Variants in ATF2 observed in about 807,000 individuals in gnomAD.
The protein encoded by ATF2 is activating transcription factor 2.
Under a neutral mutation model 60.6 loss-of-function variants are expected in ATF2, and 24 were observed. The observed-to-expected ratio is 0.40, with a 90% CI of 0.29 to 0.56. The LOEUF (loss-of-function observed/expected upper bound fraction) is 0.56. Among genes scored for constraint, ATF2 ranks in the 20% least tolerant of loss-of-function variants. The probability of loss-of-function intolerance (pLI) is 0.54; values close to 1 mark genes in which losing one functional copy is unlikely to be tolerated. For missense variants in ATF2, 433 were observed against 607.7 expected (o/e 0.71, Z 3.02); for synonymous variants, 206 against 215.4 (o/e 0.96, Z 0.38).
intron 1 of ATF2, among the ~76,000 whole-genome samples, chr2:175,164,677 G>C (rs1700237027): frequency 6.6e-6 from 1 of 151,930 alleles, no homozygotes; most frequent in South Asian, 2.1e-4. Flanking sequence ...TGTTCTCTGG[G>C]GTTTTCCTTC....
intron 13 of ATF2, 22 bp downstream of exon 13, chr2:175,080,638 T>C (rs1693700466): frequency 7.5e-6 from 12 of 1,591,442 alleles, no homozygotes; most frequent in Non-Finnish European, 1.0e-5. Flanking sequence ...CCTAAGGCTA[T>C]AGGTAATGGA....
intron 1 of ATF2, among the ~76,000 whole-genome samples, chr2:175,166,773 T>C (rs1700374627): frequency 1.3e-5 from 2 of 152,210 alleles, no homozygotes; most frequent in South Asian, 4.1e-4. Flanking sequence ...ACAAAAAGTG[T>C]GCTCAAAGAA....
At chr2:175,107,568 C>G (rs984057876) in intron 10 of ATF2, among the ~76,000 whole-genome samples, 1 of 149,414 alleles carries the variant, frequency 6.7e-6, no homozygotes, top group African/African-American at 2.5e-5. Flanking sequence ...CTCCCTCTCC[C>G]CATGGTCTCC....
At chr2:175,075,122 T>C in intron 13 of ATF2, 8 of 1,124,832 alleles carry the variant, frequency 7.1e-6, no homozygotes, top group Non-Finnish European at 9.2e-6. Context: ...TGAGGGAGAG[T>C]TTGGAAGATA....
At chr2:175,091,228 T>C (rs769033475) in intron 12 of ATF2, among the ~76,000 whole-genome samples, 2 of 152,184 alleles carry the variant, frequency 1.3e-5, no homozygotes, top group African/African-American at 2.4e-5. Flanking sequence ...AACCCTTGAA[T>C]TGACTGATTT....
chr2:175,139,184 T>C (rs1698334130), intron 2 of ATF2, among the ~76,000 whole-genome samples: 1 of 152,240 alleles, frequency 6.6e-6, no homozygotes, highest in African/African-American at 2.4e-5. Context: ...TCGTTGTATC[T>C]GCACAGTATC....
intron 13 of ATF2, among the ~76,000 whole-genome samples, chr2:175,078,043 CT>C (rs755887521): frequency 7.2e-5 from 11 of 152,220 alleles, no homozygotes; most frequent in Admixed American, 7.2e-4. Flanking sequence ...TCACAGCTCA[CT>C]GCAGCCTTGA....
At chr2:175,156,377 C>CAAAAAAAAAAAAAAAAAAAAA (rs57399474) in intron 1 of ATF2, among the ~76,000 whole-genome samples, 1 of 55,982 alleles carries the variant, frequency 1.8e-5, no homozygotes, top group Non-Finnish European at 3.7e-5. Context: ...TCTCAAAAAA[C>CAAAAAAAAAAAAAAAAAAAAA]AAAAAAAAAA....
chr2:175,077,099 C>T, intron 13 of ATF2, among the ~76,000 whole-genome samples: 1 of 152,048 alleles, frequency 6.6e-6, no homozygotes. Flanking sequence ...TTTCCAGCTT[C>T]ATCCATGTCC....
At chr2:175,094,426 A>AAAAAAAAAAAAG (rs1559059455) in intron 11 of ATF2, among the ~76,000 whole-genome samples, 2 of 143,978 alleles carry the variant, frequency 1.4e-5, no homozygotes, top group African/African-American at 5.4e-5. Flanking sequence ...AAAAAAAAAA[A>AAAAAAAAAAAAG]AAAGAAAGAA....
At chr2:175,137,471 C>T (rs970706924) in intron 2 of ATF2, among the ~76,000 whole-genome samples, 2 of 152,180 alleles carry the variant, frequency 1.3e-5, no homozygotes, top group Non-Finnish European at 2.9e-5. Context: ...ACACCTACAA[C>T]AGCGCCTAGC....
intron 2 of ATF2, 134 bp from the exon 3 acceptor site, chr2:175,136,620 A>T: frequency 1.7e-6 from 1 of 603,466 alleles, no homozygotes; most frequent in South Asian, 2.1e-5. Context: ...AACAATTTTT[A>T]TAATAGAGTA....
At position 175,074,457 on chromosome 2, in the gene ATF2, G is replaced by A; in HGVS notation, c.*152C>T. The A allele has an allele frequency of 2.1e-6, 2 of 938,726 alleles. No individual in the cohort carries two copies. Among genetic ancestry groups the A allele is most frequent in the Admixed American group, 3.2e-5 (1 of 31,236 alleles). The allele number at this position is 938,726 out of a possible 1,614,324, so 58.1% of individuals were successfully genotyped here. On this transcript the variant is annotated 3_prime_UTR_variant, in exon 14 of 14. Transcript: ENST00000264110. Reference sequence around the variant, plus strand: ...AAACCGTTTTTCAGTCTGATCAACTGCTGCTACACCAACTTTAGAGCCAAA... The same window carrying A: ...AAACCGTTTTTCAGTCTGATCAACTACTGCTACACCAACTTTAGAGCCAAA...
At chr2:175,083,396 A>T (rs1313308297) in intron 12 of ATF2, among the ~76,000 whole-genome samples, 1 of 152,210 alleles carries the variant, frequency 6.6e-6, no homozygotes, top group Non-Finnish European at 1.5e-5. Flanking sequence ...AGCAATGGGG[A>T]AAGGATTCCC....
intron 12 of ATF2, among the ~76,000 whole-genome samples, chr2:175,082,925 A>T (rs907164531): frequency 2.0e-5 from 3 of 152,192 alleles, no homozygotes; most frequent in African/African-American, 7.2e-5. Flanking sequence ...AATACATAAG[A>T]ATCCAACTTA....
intron 2 of ATF2, among the ~76,000 whole-genome samples, chr2:175,138,830 A>G (rs1698306534): frequency 6.6e-6 from 1 of 152,236 alleles, no homozygotes; most frequent in African/African-American, 2.4e-5. Context: ...CATCTATTAT[A>G]TAATCTGTGT....
chr2:175,115,013 A>C (rs1158535357), intron 7 of ATF2, 145 bp from the exon 8 acceptor site: 1 of 654,226 alleles, frequency 1.5e-6, no homozygotes, highest in African/African-American at 1.9e-5. Flanking sequence ...TTAAAAGAAC[A>C]TTTTAGAAGA....
intron 10 of ATF2, among the ~76,000 whole-genome samples, chr2:175,102,909 T>G (rs1173572485): frequency 6.6e-6 from 1 of 152,202 alleles, no homozygotes; most frequent in Non-Finnish European, 1.5e-5. Flanking sequence ...ACCAGTATTT[T>G]AATGTTTAAT....
At chr2:175,103,535 C>T (rs1445795675) in intron 10 of ATF2, among the ~76,000 whole-genome samples, 1 of 152,016 alleles carries the variant, frequency 6.6e-6, no homozygotes, top group African/African-American at 2.4e-5. Context: ...ACATGAGGTT[C>T]CATGCAGGGC....
Sources: gnomAD v4.1 joint callset for allele counts (sites outside exome capture counted in the v4.1 genomes callset) on GRCh38, gnomAD v4.1.1 for gene constraint, MANE v1.5 for transcripts, NCBI Gene and HGNC (gene_info 2026-07-23, HGNC 2026-07-21) for gene names.